Variants in MRRF observed in about 807,000 individuals in gnomAD.
MRRF encodes the protein mitochondrial ribosome recycling factor.
Under a neutral mutation model 25.1 loss-of-function variants are expected in MRRF, and 18 were observed. The ratio of observed to expected loss-of-function variants is 0.72; its 90% CI spans 0.50 to 1.06. The LOEUF (loss-of-function observed/expected upper bound fraction) is 1.06. Ranked by LOEUF, MRRF falls within the 50% of genes least tolerant of loss-of-function variation. MRRF has a pLI of 0.00. For synonymous variants in MRRF, 113 were observed against 112.1 expected, an observed-to-expected ratio of 1.01 and a Z score of -0.05; for missense variants, 323 against 319.3, an observed-to-expected ratio of 1.01 and a Z score of -0.09.
intron 3 of MRRF, among the ~76,000 whole-genome samples, chr9:122,284,913 G>A (rs1833291697): frequency 6.6e-6 from 1 of 152,092 alleles, no homozygotes; most frequent in Non-Finnish European, 1.5e-5. Flanking sequence ...CCTCATTGCT[G>A]AGTAGCTCAT....
At chr9:122,318,538 C>T (rs572275833) in intron 6 of MRRF, among the ~76,000 whole-genome samples, 22 of 152,296 alleles carry the variant, frequency 1.4e-4, no homozygotes, top group East Asian at 3.9e-4. Context: ...GGCAAGGCAG[C>T]GGGTGTTTTG....
intron 5 of MRRF, among the ~76,000 whole-genome samples, chr9:122,295,380 A>G (rs1362899468): frequency 6.6e-6 from 1 of 152,054 alleles, no homozygotes; most frequent in Non-Finnish European, 1.5e-5. Context: ...AAAATAACAC[A>G]TCATATCTTA....
intron 1 of MRRF, chr9:122,265,730 T>C (rs1270619735): frequency 7.8e-7 from 1 of 1,287,878 alleles, no homozygotes; most frequent in Non-Finnish European, 1.0e-6. Context: ...CAAATGCTTT[T>C]TGAATACGTG....
At chr9:122,308,187 AG>A (rs751357968) in intron 5 of MRRF, among the ~76,000 whole-genome samples, 1 of 152,088 alleles carries the variant, frequency 6.6e-6, no homozygotes, top group East Asian at 1.9e-4. Flanking sequence ...CTAGCGGAAA[AG>A]GCTTCCTCAC....
chr9:122,288,296 C>T (rs772243684), intron 4 of MRRF, among the ~76,000 whole-genome samples: 22 of 152,112 alleles, frequency 1.4e-4, no homozygotes, highest in Admixed American at 9.2e-4. Context: ...ATTGCTCTTG[C>T]GGAAGGAAGA....
chr9:122,288,764 A>G lies in MRRF; in HGVS notation c.460-2985A>G, dbSNP rs1357863212. 2.6e-5 allele frequency among the ~76,000 whole-genome samples: 4 copies of G among 152,196 alleles called. No homozygotes were observed. In the East Asian group the frequency reaches 5.8e-4, roughly 22 times the overall value. ...TCAAGGACTTGTTCACCTGTCTACA[A>G]AAGTCTTATTTTTTTGTTGTTGTTG... On this transcript the variant is annotated intron_variant, in intron 4 of 6. Transcript: ENST00000344641.
chr9:122,299,022 T>A (rs1834269110), intron 5 of MRRF, among the ~76,000 whole-genome samples: 1 of 151,804 alleles, frequency 6.6e-6, no homozygotes, highest in Non-Finnish European at 1.5e-5. Context: ...GGCCCTGAGG[T>A]GGGAGTCTAC....
intron 5 of MRRF, among the ~76,000 whole-genome samples, chr9:122,301,739 T>G (rs966460510): frequency 2.8e-4 from 43 of 151,982 alleles, no homozygotes; most frequent in African/African-American, 8.7e-4. Flanking sequence ...GTGATTTTTT[T>G]TTTTTTCTTT....
chr9:122,280,683 C>T, intron 3 of MRRF, 85 bp downstream of exon 3: 1 of 1,353,274 alleles, frequency 7.4e-7, no homozygotes. Context: ...CCCAGCTTTG[C>T]CATTTACTAA....
intron 6 of MRRF, among the ~76,000 whole-genome samples, chr9:122,314,766 TG>T (rs1393033101): frequency 6.6e-5 from 10 of 152,206 alleles, no homozygotes; most frequent in Non-Finnish European, 1.2e-4. Flanking sequence ...ATAGGGATGC[TG>T]CTGCAGAAAT....
At chr9:122,321,103 G>A (rs1475954552) in intron 6 of MRRF, among the ~76,000 whole-genome samples, 5 of 152,284 alleles carry the variant, frequency 3.3e-5, no homozygotes, top group Admixed American at 6.5e-5. Flanking sequence ...GACAGAGATG[G>A]ACATAAACAA....
chr9:122,281,718 G>C (rs890258111), intron 3 of MRRF, among the ~76,000 whole-genome samples: 2 of 152,216 alleles, frequency 1.3e-5, no homozygotes, highest in African/African-American at 4.8e-5. Flanking sequence ...TTTGAGAGGA[G>C]CTCAGGGAGA....
At position 122,326,742 on chromosome 9, in the gene MRRF, T is replaced by C. The variant is rs191250706; in HGVS notation, c.*4125T>C. 1 of 152,324 alleles carries C rather than the reference T, an allele frequency of 6.6e-6. No individual in the cohort carries two copies. The highest frequency in any genetic ancestry group is 6.5e-5 in the Admixed American group (1 of 15,304). The allele number at this position is 152,324 out of a possible 1,614,324, so 9.4% of individuals were successfully genotyped here. A position where few individuals can be genotyped will look rare whatever the true frequency, so the allele number is the denominator to read the frequency against. ...CTCAGGCTAACATTTATTGAATGCC[T>C]ACAGTCGGCCAGGTTCCATGCTAGA... is the stretch of plus-strand genomic sequence containing the variant. On this transcript the variant is annotated 3_prime_UTR_variant, in exon 7 of 7. Transcript: ENST00000344641.
At chr9:122,291,254 C>A (rs1343268050) in intron 4 of MRRF, among the ~76,000 whole-genome samples, 1 of 152,222 alleles carries the variant, frequency 6.6e-6, no homozygotes, top group African/African-American at 2.4e-5. Context: ...AGCAGAGATT[C>A]ATTGCTCATT....
intron 3 of MRRF, among the ~76,000 whole-genome samples, chr9:122,283,281 G>C (rs376771373): frequency 6.6e-6 from 1 of 152,042 alleles, no homozygotes; most frequent in African/African-American, 2.4e-5. Context: ...TTTTAGTAGA[G>C]ACAAGGTTTC....
intron 2 of MRRF, among the ~76,000 whole-genome samples, chr9:122,273,583 G>A (rs1013052283): frequency 4.0e-5 from 6 of 151,312 alleles, no homozygotes; most frequent in African/African-American, 7.3e-5. Flanking sequence ...AAGTGTTTAC[G>A]TAAATCATAA....
intron 5 of MRRF, among the ~76,000 whole-genome samples, chr9:122,293,795 G>T (rs1351162331): frequency 6.6e-6 from 1 of 152,158 alleles, no homozygotes; most frequent in East Asian, 1.9e-4. Context: ...CAGGCTGTGT[G>T]CCAGGCCTCT....
intron 5 of MRRF, among the ~76,000 whole-genome samples, chr9:122,294,939 T>TA (rs1169351845): frequency 2.0e-5 from 3 of 152,198 alleles, no homozygotes; most frequent in African/African-American, 7.2e-5. Flanking sequence ...AGGGAACTAA[T>TA]AGGTCGAGCA....
rs183390457 is a variant in MRRF, at chr9:122,329,444, T to C, written c.*6827T>C. 1.3e-5 allele frequency: 2 copies of C among 152,378 alleles called. No homozygotes were observed. Among genetic ancestry groups the C allele is most frequent in the Non-Finnish European group, 2.9e-5 (2 of 68,076 alleles). 9.4% of individuals were successfully genotyped at this position (152,378 alleles called of 1,614,324 possible). ...CCGATGCTTCTCCTGATTCATTCATTCATTATCCATACCGATGCCTCTCCT... is the reference window on the plus strand; with the variant it reads ...CCGATGCTTCTCCTGATTCATTCATCCATTATCCATACCGATGCCTCTCCT... On this transcript the variant is annotated 3_prime_UTR_variant, in exon 7 of 7. Transcript: ENST00000344641.
Sources: gnomAD v4.1 joint callset for allele counts (sites outside exome capture counted in the v4.1 genomes callset) on GRCh38, gnomAD v4.1.1 for gene constraint, MANE v1.5 for transcripts, NCBI Gene and HGNC (gene_info 2026-07-23, HGNC 2026-07-21) for gene names.